Variants in FGF1 observed in about 807,000 individuals in gnomAD.
FGF1 encodes the protein fibroblast growth factor 1, also known as beta-endothelial cell growth factor.
A neutral mutation model predicts 13.4 loss-of-function variants in FGF1; 9 were observed. The observed-to-expected ratio is 0.67, with a 90% CI of 0.40 to 1.17. The LOEUF (loss-of-function observed/expected upper bound fraction) is 1.17. Ranked by LOEUF, FGF1 falls within the 50% of genes most tolerant of loss-of-function variation. FGF1 has a pLI of 0.01. For missense variants in FGF1, 156 were observed against 192.7 expected (o/e 0.81, Z 1.13); for synonymous variants, 93 against 79.0 (o/e 1.18, Z -0.94).
At chr5:142,689,874 A>G (rs1357099230), upstream of FGF1, among the ~76,000 whole-genome samples, 1 of 148,420 alleles carries the variant, frequency 6.7e-6, no homozygotes, top group Non-Finnish European at 1.5e-5. Flanking sequence ...AGTTTTTTGT[A>G]TTTTGTTCAG....
At position 142,665,786 on chromosome 5, in the gene FGF1, G is replaced by A. The variant is rs116044954; in HGVS notation, c.-35+20171C>T. Among the ~76,000 whole-genome samples, 181 of 152,268 alleles carry A rather than the reference G, an allele frequency of 1.2e-3. 1 individual carries two copies. The highest frequency in any genetic ancestry group is 3.9e-3 in the African/African-American group (164 of 41,534). The stretch of plus-strand genomic sequence containing the variant: ...GTGATCCTAAGAGGATCACAGGTAC[G>A]TAGCTCTCCTCTTCAAGCACAACCA... On this transcript the variant is annotated intron_variant, in intron 1 of 3. Coordinates refer to ENST00000337706, the MANE Select transcript of FGF1 (RefSeq NM_000800.5).
chr5:142,683,821 CAAAAAAAAA>C (rs768317949), intron 1 of FGF1, among the ~76,000 whole-genome samples: 1 of 49,744 alleles, frequency 2.0e-5, no homozygotes, highest in East Asian at 6.6e-4. Flanking sequence ...AACTCTGTCT[CAAAAAAAAA>C]AAAAAAAAAA....
rs869093279 is a variant in FGF1 at position 142,618,929 on chromosome 5, G to GTTT, written c.-34-4771_-34-4769dup. Among the ~76,000 whole-genome samples, 581 of 61,026 alleles carry GTTT rather than the reference G, an allele frequency of 9.5e-3. 2 individuals carry two copies. Among genetic ancestry groups the GTTT allele is most frequent in the Non-Finnish European group, 0.012 (419 of 33,846 alleles). The allele number at this position is 61,026 out of a possible 152,430, so 40.0% of individuals were successfully genotyped here. A position where few individuals can be genotyped will look rare whatever the true frequency, so the allele number is the denominator to read the frequency against. On this transcript the variant is annotated intron_variant, in intron 1 of 3. Transcript: ENST00000337706. ...CTGACATTTATTTTTTAGTTGTTTT[G>GTTT]TTTTTTTTTTTTTTTTTTTTTTTGA...
At chr5:142,598,511 AT>A (rs1204023603) in intron 3 of FGF1, among the ~76,000 whole-genome samples, 1 of 152,130 alleles carries the variant, frequency 6.6e-6, no homozygotes, top group African/African-American at 2.4e-5. Context: ...TAAAAAAAAA[AT>A]TGGAAAATAC....
chr5:142,626,370 A>T lies in FGF1; in HGVS notation c.-34-12209T>A, dbSNP rs150094131. Among the ~76,000 whole-genome samples, 10 of 152,300 alleles carry T rather than the reference A, an allele frequency of 6.6e-5. No homozygotes were observed. The East Asian group carries it at 1.7e-3, about 26-fold the overall frequency. On this transcript the variant is annotated intron_variant, in intron 1 of 3. Coordinates refer to ENST00000337706, the MANE Select transcript of FGF1 (RefSeq NM_000800.5). ...AGAAAGTTTATGTCACTTTTCTAAG[A>T]TCATACCACTAAATATTAAAAGTAA...
upstream of FGF1, among the ~76,000 whole-genome samples, chr5:142,687,946 T>C (rs1751528065): frequency 6.6e-6 from 1 of 152,248 alleles, no homozygotes; most frequent in Non-Finnish European, 1.5e-5. Flanking sequence ...TACTCATATC[T>C]TCCCTGCAAA....
At position 142,606,214 on chromosome 5, in the gene FGF1, C is replaced by CTGTGTGTGTG. The variant is rs1283591761; in HGVS notation, c.170-5410_170-5409insCACACACACA. On this transcript the variant is annotated intron_variant, in intron 2 of 3. Coordinates refer to ENST00000337706, the MANE Select transcript of FGF1 (RefSeq NM_000800.5). ...GCACAAAATCTGCAACATTCTTTCT[C>CTGTGTGTGTG]TCTCTGTGTGTGTGTGTGTGTGTGT... Among the ~76,000 whole-genome samples, 65 of 71,094 alleles carry CTGTGTGTGTG rather than the reference C, an allele frequency of 9.1e-4. 2 individuals carry two copies. Among genetic ancestry groups the CTGTGTGTGTG allele is most frequent in the African/African-American group, 2.7e-3 (53 of 19,328 alleles). The allele number at this position is 71,094 out of a possible 152,430, so 46.6% of individuals were successfully genotyped here. A position where few individuals can be genotyped will look rare whatever the true frequency, so the allele number is the denominator to read the frequency against.
chr5:142,603,357 C>T (rs112529295), intron 2 of FGF1, among the ~76,000 whole-genome samples: 173 of 152,210 alleles, frequency 1.1e-3, no homozygotes, highest in African/African-American at 3.8e-3. Flanking sequence ...ACTCTGCGCA[C>T]GGGGTCCTTT....
intron 1 of FGF1, among the ~76,000 whole-genome samples, chr5:142,658,132 G>A (rs1424338183): frequency 6.6e-6 from 1 of 152,160 alleles, no homozygotes; most frequent in African/African-American, 2.4e-5. Flanking sequence ...CAGTGCAGTG[G>A]TTACAAAATA....
intron 1 of FGF1, among the ~76,000 whole-genome samples, chr5:142,657,730 T>C (rs1490952342): frequency 6.6e-6 from 1 of 152,238 alleles, no homozygotes; most frequent in Non-Finnish European, 1.5e-5. Context: ...TGCTGGACTC[T>C]CAGCCCAGTG....
chr5:142,605,273 G>GTT (rs768402598), intron 2 of FGF1, among the ~76,000 whole-genome samples: 66 of 123,246 alleles, frequency 5.4e-4, no homozygotes, highest in African/African-American at 9.1e-4. Flanking sequence ...TGCCTGGCTA[G>GTT]TTTTTTTTTT....
At chr5:142,671,827 G>C (rs926062670) in intron 1 of FGF1, 6 of 152,146 alleles carry the variant, frequency 3.9e-5, no homozygotes, top group Admixed American at 1.3e-4. Context: ...TGTTTTACCT[G>C]ATTACATCCT....
intron 2 of FGF1, among the ~76,000 whole-genome samples, chr5:142,694,905 A>T (rs920640562): frequency 2.0e-5 from 3 of 152,148 alleles, no homozygotes; most frequent in Non-Finnish European, 4.4e-5. Flanking sequence ...CAGTAGAGGT[A>T]CTGGGCACCC....
At chr5:142,602,684 TG>T (rs1756836711) in intron 2 of FGF1, among the ~76,000 whole-genome samples, 1 of 151,946 alleles carries the variant, frequency 6.6e-6, no homozygotes. Flanking sequence ...CTCATACTAA[TG>T]GTAATGTACT....
intron 2 of FGF1, among the ~76,000 whole-genome samples, chr5:142,692,701 A>ACACGCACACACGCACACACACACACACG (rs1752432701): frequency 6.6e-6 from 1 of 150,400 alleles, no homozygotes; most frequent in African/African-American, 2.5e-5. Context: ...ACACACACAC[A>ACACGCACACACGCACACACACACACACG]CGCACAGACA....
intron 2 of FGF1, among the ~76,000 whole-genome samples, chr5:142,606,642 A>C (rs976431943): frequency 6.6e-6 from 1 of 152,178 alleles, no homozygotes; most frequent in Non-Finnish European, 1.5e-5. Flanking sequence ...AAGAAAAAGA[A>C]CACAATACGT....
chr5:142,616,642 C>G (rs971770130), intron 1 of FGF1, among the ~76,000 whole-genome samples: 1 of 152,126 alleles, frequency 6.6e-6, no homozygotes, highest in Non-Finnish European at 1.5e-5. Flanking sequence ...CTCTCTTACT[C>G]TCTGTCCCTC....
chr5:142,620,917 C>T (rs1761456905), intron 1 of FGF1, among the ~76,000 whole-genome samples: 1 of 152,196 alleles, frequency 6.6e-6, no homozygotes, highest in Admixed American at 6.5e-5. Flanking sequence ...AAATCACTCC[C>T]ACCTGTTCAG....
upstream of FGF1, among the ~76,000 whole-genome samples, chr5:142,689,358 C>G (rs1436917957): frequency 6.6e-6 from 1 of 152,178 alleles, no homozygotes; most frequent in Non-Finnish European, 1.5e-5. Flanking sequence ...GTGTCCTGGT[C>G]TCATGGTGAA....
Sources: allele counts gnomAD v4.1 joint callset (sites outside exome capture counted in the v4.1 genomes callset), GRCh38; gene constraint gnomAD v4.1.1; transcripts MANE v1.5; gene names NCBI Gene and HGNC (gene_info 2026-07-23, HGNC 2026-07-21).